SLC1A1: variants seen among roughly 807,000 people sequenced by gnomAD.
SLC1A1 encodes excitatory amino acid transporter 3.
SLC1A1 carries 43 observed loss-of-function variants against 53.3 expected under a neutral mutation model. That is an observed-to-expected ratio of 0.81 (90% CI 0.63 to 1.04). SLC1A1 has a LOEUF of 1.04. SLC1A1 is among the 50% of genes least tolerant of loss of function. The pLI is 0.00. For missense variants in SLC1A1, 748 were observed against 664.9 expected (o/e 1.12, Z -1.37); for synonymous variants, 307 against 243.2 (o/e 1.26, Z -2.44).
chr9:4,574,484 T>C (rs1048844225), intron 8 of SLC1A1, among the ~76,000 whole-genome samples: 1 of 152,134 alleles, frequency 6.6e-6, no homozygotes, highest in African/African-American at 2.4e-5. Flanking sequence ...CTGGGGCTGT[T>C]AACCACCACC....
chr9:4,556,510 G>A lies in SLC1A1; in HGVS notation c.233-4939G>A, dbSNP rs759538965. Among the ~76,000 whole-genome samples, 22 of 152,136 alleles carry A rather than the reference G, an allele frequency of 1.4e-4. No homozygotes were observed. The highest frequency in any genetic ancestry group is 2.6e-4 in the Non-Finnish European group (18 of 68,016). Reference sequence around the variant, plus strand: ...TTCTGATAGTGAACTGTAAAGAGAGGGGGTCCTTCAGACCTCGCCAGCCAC... The same window carrying A: ...TTCTGATAGTGAACTGTAAAGAGAGAGGGTCCTTCAGACCTCGCCAGCCAC... On this transcript the variant is annotated intron_variant, in intron 2 of 11. Coordinates refer to ENST00000262352, the MANE Select transcript of SLC1A1 (RefSeq NM_004170.6). The surrounding 1 kb of genome is among the most constrained non-coding windows in gnomAD (Gnocchi z 4.1).
chr9:4,553,481 C>G (rs1818113083), intron 2 of SLC1A1: 1 of 152,098 alleles, frequency 6.6e-6, no homozygotes, highest in African/African-American at 2.4e-5. Context: ...ATTCTCCTGC[C>G]TCAGCCTCCC....
In SLC1A1 at chr9:4,564,230, C is replaced by A. The variant is rs549249374; in HGVS notation, c.326-114C>A. 2.1e-5 allele frequency: 16 copies of A among 759,530 alleles called. No homozygotes were observed. The Admixed American group carries it at 2.2e-4, about 10-fold the overall frequency. 47.0% of individuals were successfully genotyped at this position (759,530 alleles called of 1,614,324 possible). On this transcript the variant is annotated intron_variant, in intron 3 of 11. Transcript: ENST00000262352. Reference sequence around the variant, plus strand: ...CAGCATTTTGGCTGGACCTCAGGGTCCTCCCCATCACACTATTGCCTGGTA... The same window carrying A: ...CAGCATTTTGGCTGGACCTCAGGGTACTCCCCATCACACTATTGCCTGGTA...
intron 1 of SLC1A1, 108 bp downstream of exon 1, chr9:4,490,878 C>A: frequency 1.1e-6 from 1 of 924,648 alleles, no homozygotes; most frequent in Non-Finnish European, 1.7e-6. Context: ...ATGCAGGGTC[C>A]CTCGATGCCC....
At chr9:4,574,047 TC>T in intron 8 of SLC1A1, 33 bp downstream of exon 8, 3 of 1,392,268 alleles carry the variant, frequency 2.2e-6, no homozygotes, top group Non-Finnish European at 3.1e-6. Flanking sequence ...GACAGAAACC[TC>T]CTTTGATCTA....
At chr9:4,517,351 T>G (rs1223409684) in intron 1 of SLC1A1, among the ~76,000 whole-genome samples, 1 of 152,220 alleles carries the variant, frequency 6.6e-6, no homozygotes, top group Non-Finnish European at 1.5e-5. Context: ...TAGCTTGTTC[T>G]CTTGTCTTCT....
intron 2 of SLC1A1, among the ~76,000 whole-genome samples, chr9:4,552,028 C>A (rs926367983): frequency 6.6e-6 from 1 of 152,100 alleles, no homozygotes; most frequent in African/African-American, 2.4e-5. Context: ...ACAGTGAAGC[C>A]CAGAGAATCA....
rs1398966413 is a variant in SLC1A1, at chr9:4,544,446, A to C, written c.92-121A>C. 4.7e-6 allele frequency: 4 copies of C among 853,690 alleles called. No individual in the cohort carries two copies. In the Admixed American group the frequency reaches 5.2e-5, roughly 11 times the overall value. 52.9% of individuals were successfully genotyped at this position (853,690 alleles called of 1,614,324 possible). On this transcript the variant is annotated intron_variant, in intron 1 of 11. Coordinates refer to ENST00000262352, the MANE Select transcript of SLC1A1 (RefSeq NM_004170.6). Reference sequence around the variant, plus strand: ...TCTAGATTTTACAGACTCATGGGAAATGATCTAAACTATTTTTCTTGCCAT... The same window carrying C: ...TCTAGATTTTACAGACTCATGGGAACTGATCTAAACTATTTTTCTTGCCAT...
chr9:4,568,829 G>A (rs1270274523), intron 6 of SLC1A1, among the ~76,000 whole-genome samples: 3 of 152,138 alleles, frequency 2.0e-5, no homozygotes, highest in Non-Finnish European at 4.4e-5. Context: ...TCAGGCATGA[G>A]TTATAGTGCT....
chr9:4,561,427 T>C (rs536618476), intron 2 of SLC1A1, 22 bp from the exon 3 acceptor site: 1 of 1,429,536 alleles, frequency 7.0e-7, no homozygotes, highest in African/African-American at 1.4e-5. Context: ...TTAATGTAAT[T>C]TGATTTCTGT....
intron 1 of SLC1A1, among the ~76,000 whole-genome samples, chr9:4,531,525 G>C (rs1816469245): frequency 1.3e-5 from 2 of 152,154 alleles, no homozygotes; most frequent in South Asian, 4.1e-4. Flanking sequence ...GCCCATCACT[G>C]TCCAGGCTTG....
At chr9:4,562,478 AC>A (rs1258974466) in intron 3 of SLC1A1, among the ~76,000 whole-genome samples, 4 of 152,212 alleles carry the variant, frequency 2.6e-5, no homozygotes, top group Non-Finnish European at 5.9e-5. Context: ...TCACGTAGTA[AC>A]AAGAGCTAAC....
At chr9:4,514,051 C>G (rs895841957) in intron 1 of SLC1A1, among the ~76,000 whole-genome samples, 7 of 152,184 alleles carry the variant, frequency 4.6e-5, no homozygotes, top group African/African-American at 1.7e-4. Context: ...AAAGGTGTGA[C>G]TAGAAAGATA....
intron 1 of SLC1A1, among the ~76,000 whole-genome samples, chr9:4,492,101 A>G (rs1168567868): frequency 6.6e-6 from 1 of 152,162 alleles, no homozygotes; most frequent in African/African-American, 2.4e-5. Context: ...AGAAGTACAG[A>G]AGCAAATCTT....
At chr9:4,495,453 G>A (rs1586684317) in intron 1 of SLC1A1, among the ~76,000 whole-genome samples, 2 of 152,162 alleles carry the variant, frequency 1.3e-5, no homozygotes, top group Admixed American at 1.3e-4. Context: ...TATAGAGCAT[G>A]TTAGATGAGA....
At chr9:4,580,583 GAA>G (rs779115391) in intron 10 of SLC1A1, among the ~76,000 whole-genome samples, 37,651 of 120,750 alleles carry the variant, frequency 0.31, 5,998 homozygotes, top group Admixed American at 0.39. Context: ...CTTGTCTCTG[GAA>G]AAAAAAAAAA....
In SLC1A1 at chr9:4,490,574, C is replaced by A. The variant is rs571292875; in HGVS notation, c.-106C>A. The A allele has an allele frequency of 5.3e-5, 46 of 868,272 alleles. No individual in the cohort carries two copies. The African/African-American group carries it at 6.5e-4, about 12-fold the overall frequency. 53.8% of individuals were successfully genotyped at this position (868,272 alleles called of 1,614,324 possible). A position where few individuals can be genotyped will look rare whatever the true frequency, so the allele number is the denominator to read the frequency against. On this transcript the variant is annotated 5_prime_UTR_variant, in exon 1 of 12. Transcript: ENST00000262352. ...ACTGCAGCGGCCGGCTCTCACCTCTCCCCTGTGCACCCGCATCTCGCCGCG... is the reference window on the plus strand; with the variant it reads ...ACTGCAGCGGCCGGCTCTCACCTCTACCCTGTGCACCCGCATCTCGCCGCG...
rs767371718 is a variant in SLC1A1, at chr9:4,561,535, A to G, written c.319A>G (p.Ile107Val). 1.3e-6 allele frequency: 2 copies of G among 1,537,272 alleles called. No homozygotes were observed. Among genetic ancestry groups the G allele is most frequent in the Non-Finnish European group, 1.8e-6 (2 of 1,109,854 alleles). Residue 107 changes from isoleucine to valine, a missense_variant, in exon 3 of 12, where the codon ATT becomes GTT. Ile to Val is a conservative substitution (Grantham distance 29, BLOSUM62 3). Coordinates refer to ENST00000262352, the MANE Select transcript of SLC1A1 (RefSeq NM_004170.6). ...YYFCTTLIAV[I>V]LGIVLVVSIK... Reference sequence around the variant, plus strand: ...TTTCTGTACCACTCTCATTGCTGTTATTCTAGGTAATACTTATTTCTGAAT... The same window carrying G: ...TTTCTGTACCACTCTCATTGCTGTTGTTCTAGGTAATACTTATTTCTGAAT...
At chr9:4,547,560 A>G (rs928545395) in intron 2 of SLC1A1, among the ~76,000 whole-genome samples, 9 of 152,236 alleles carry the variant, frequency 5.9e-5, no homozygotes, top group Admixed American at 5.9e-4. Context: ...AAGTTCATTC[A>G]TACACTTTCA....
Sources: gnomAD v4.1 joint callset for allele counts (sites outside exome capture counted in the v4.1 genomes callset) on GRCh38, gnomAD v4.1.1 for gene constraint, Gnocchi (gnomAD v3.1) non-coding constraint, MANE v1.5 for transcripts, NCBI Gene and HGNC (gene_info 2026-07-23, HGNC 2026-07-21) for gene names.